EPHA5: variants seen among roughly 807,000 people sequenced by gnomAD.
The protein encoded by EPHA5 is EPH receptor A5, also known as ephrin type-A receptor 5.
In EPHA5, 60 loss-of-function variants were observed where a neutral mutation model predicts 105.0. The ratio of observed to expected loss-of-function variants is 0.57; its 90% confidence interval spans 0.46 to 0.71. The LOEUF is 0.71. Ranked by LOEUF, EPHA5 falls within the 30% of genes least tolerant of loss-of-function variation. The pLI is 0.00. For synonymous variants in EPHA5, 513 were observed against 449.1 expected, an observed-to-expected ratio of 1.14 and a Z score of -1.80; for missense variants, 1,218 against 1,274.7, an observed-to-expected ratio of 0.96 and a Z score of 0.68.
rs1719561182 is a variant in EPHA5, at chr4:65,320,552, C to CCAAT, written c.*3558_*3561dup. ...ACCTGACTCAAATAGTGTTTGCCAT[C>CCAAT]CAATGCACTTTTATAGCCAAAAATG... On this transcript the variant is annotated 3_prime_UTR_variant, in exon 17 of 17. Transcript: ENST00000613740. 4.4e-6 allele frequency: 1 copy of CCAAT among 229,204 alleles called. No individual in the cohort carries two copies. Among genetic ancestry groups the CCAAT allele is most frequent in the Non-Finnish European group, 8.7e-6 (1 of 115,578 alleles). The allele number at this position is 229,204 out of a possible 1,614,324, so 14.2% of individuals were successfully genotyped here.
At chr4:65,562,862 T>C (rs1359183728) in intron 3 of EPHA5, among the ~76,000 whole-genome samples, 1 of 151,862 alleles carries the variant, frequency 6.6e-6, no homozygotes, top group Non-Finnish European at 1.5e-5. Flanking sequence ...ATTGTATACA[T>C]GGTAATTGGT....
chr4:65,398,237 C>T (rs1462406358), intron 8 of EPHA5, among the ~76,000 whole-genome samples: 3 of 152,146 alleles, frequency 2.0e-5, no homozygotes, highest in Admixed American at 6.5e-5. Context: ...TTGAGGATGA[C>T]CCTGGGTGCT....
At chr4:65,459,149 A>G (rs1231016999) in intron 5 of EPHA5, among the ~76,000 whole-genome samples, 1 of 152,012 alleles carries the variant, frequency 6.6e-6, no homozygotes, top group African/African-American at 2.4e-5. Context: ...ACACACATTC[A>G]AGGGATGTAA....
chr4:65,563,607 G>A (rs1739243054), intron 3 of EPHA5, among the ~76,000 whole-genome samples: 1 of 151,988 alleles, frequency 6.6e-6, no homozygotes. Context: ...GGAAGAGACA[G>A]AAGAATCAGC....
intron 1 of EPHA5, among the ~76,000 whole-genome samples, chr4:65,660,061 T>C (rs1749425822): frequency 6.6e-6 from 1 of 152,116 alleles, no homozygotes. Context: ...TATGACATTT[T>C]ATACATATAC....
intron 11 of EPHA5, among the ~76,000 whole-genome samples, chr4:65,362,809 AAT>A (rs1298683929): frequency 6.6e-6 from 1 of 151,712 alleles, no homozygotes; most frequent in Non-Finnish European, 1.5e-5. Context: ...TGTAAAATAT[AAT>A]ATGTTTACAT....
intron 8 of EPHA5, among the ~76,000 whole-genome samples, chr4:65,380,715 T>A (rs2148928908): frequency 6.6e-6 from 1 of 151,938 alleles, no homozygotes; most frequent in South Asian, 2.1e-4. Context: ...ATAATTTTCC[T>A]ATTTCAAATT....
At chr4:65,569,591 A>C (rs1284638140) in intron 3 of EPHA5, among the ~76,000 whole-genome samples, 1 of 151,786 alleles carries the variant, frequency 6.6e-6, no homozygotes, top group East Asian at 1.9e-4. Context: ...GATTTTGCTT[A>C]TTAAAGATAT....
At chr4:65,452,854 ATAACCTAAACT>A (rs1309077125) in intron 5 of EPHA5, among the ~76,000 whole-genome samples, 1 of 152,186 alleles carries the variant, frequency 6.6e-6, no homozygotes, top group Non-Finnish European at 1.5e-5. Context: ...TCTAGGTACA[ATAACCTAAACT>A]TAATTGAAAA....
intron 3 of EPHA5, among the ~76,000 whole-genome samples, chr4:65,542,875 T>C (rs1329375442): frequency 6.6e-6 from 1 of 151,918 alleles, no homozygotes; most frequent in Non-Finnish European, 1.5e-5. Context: ...ATTATCACTA[T>C]GATCATGTTG....
chr4:65,386,669 T>G (rs1720121448), intron 8 of EPHA5, among the ~76,000 whole-genome samples: 1 of 151,450 alleles, frequency 6.6e-6, no homozygotes, highest in Non-Finnish European at 1.5e-5. Context: ...TAAAATATTT[T>G]TAATTGCTCA....
chr4:65,588,419 G>A lies in EPHA5; in HGVS notation c.910+13222C>T, dbSNP rs1051741110. 3.0e-4 allele frequency among the ~76,000 whole-genome samples: 46 copies of A among 152,088 alleles called. 1 individual carries two copies. Among genetic ancestry groups the A allele is most frequent in the African/African-American group, 8.7e-4 (36 of 41,504 alleles). On this transcript the variant is annotated intron_variant, in intron 3 of 16. Coordinates refer to ENST00000613740, the MANE Select transcript of EPHA5 (RefSeq NM_001281766.3). ...CAAGCTCCTTTTCTCCTCAGCTTTC[G>A]TTCCATTCCCTGTAAGTGCAGATGA...
At position 65,414,310 on chromosome 4, in the gene EPHA5, C is replaced by A. The variant is rs1276862103; in HGVS notation, c.1661G>T (p.Arg554Ile). ...CACTGGGGTGGTTTCAAACTCAAAT[C>A]TTCGACTGAAGACACCATAGCCTGC... ...TAAGYGVFSR[R>I]FEFETTPVSV... is the part of the protein sequence containing the mutation. The change falls in exon 7 of 17, where the codon AGA (arginine) becomes ATA (isoleucine). Residue 554 changes from arginine to isoleucine, a missense_variant. Arg to Ile is a moderately conservative substitution (Grantham distance 97, BLOSUM62 -3). This residue lies in a region of EPHA5 where 971 missense variants were observed against 1,013.5 expected (regional missense o/e 0.96). Coordinates refer to ENST00000613740, the MANE Select transcript of EPHA5 (RefSeq NM_001281766.3). The A allele has an allele frequency of 8.7e-6, 14 of 1,613,760 alleles. No homozygotes were observed. Among genetic ancestry groups the A allele is most frequent in the Non-Finnish European group, 1.0e-5 (12 of 1,179,878 alleles).
chr4:65,516,520 C>A (rs1734118875), intron 3 of EPHA5, among the ~76,000 whole-genome samples: 1 of 151,958 alleles, frequency 6.6e-6, no homozygotes, highest in Non-Finnish European at 1.5e-5. Flanking sequence ...GCTTTTAAAA[C>A]CCTTGTCCAA....
chr4:65,352,699 G>C (rs570186052), intron 12 of EPHA5, among the ~76,000 whole-genome samples: 1 of 151,704 alleles, frequency 6.6e-6, no homozygotes, highest in East Asian at 2.0e-4. Flanking sequence ...TCGAACACTT[G>C]TAAGACCTTA....
chr4:65,395,554 G>A (rs955456677), intron 8 of EPHA5, among the ~76,000 whole-genome samples: 2 of 152,136 alleles, frequency 1.3e-5, no homozygotes, highest in African/African-American at 4.8e-5. Flanking sequence ...ATGGTCTGAT[G>A]ATCATAATTA....
At chr4:65,616,506 C>T (rs1261431592) in intron 2 of EPHA5, among the ~76,000 whole-genome samples, 1 of 151,060 alleles carries the variant, frequency 6.6e-6, no homozygotes, top group African/African-American at 2.4e-5. Context: ...TTGAGATATA[C>T]AGGATGAAAG....
At chr4:65,453,108 A>T (rs1727225168) in intron 5 of EPHA5, among the ~76,000 whole-genome samples, 1 of 152,168 alleles carries the variant, frequency 6.6e-6, no homozygotes, top group Non-Finnish European at 1.5e-5. Context: ...GATACTCGTA[A>T]TGTAAGCTGT....
At chr4:65,486,087 A>G (rs1247490669) in intron 5 of EPHA5, among the ~76,000 whole-genome samples, 1 of 152,150 alleles carries the variant, frequency 6.6e-6, no homozygotes. Context: ...TTTGTTTATT[A>G]TTCTAAGGAC....
Sources: gnomAD v4.1 joint callset for allele counts (sites outside exome capture counted in the v4.1 genomes callset) on GRCh38, gnomAD v4.1.1 for gene constraint, gnomAD v4.1.1 regional missense constraint, MANE v1.5 for transcripts, NCBI Gene and HGNC (gene_info 2026-07-23, HGNC 2026-07-21) for gene names.